Variants in NAV2 observed in about 807,000 individuals in gnomAD.
NAV2 encodes the protein neuron navigator 2, also known as helicase, APC down-regulated 1.
NAV2 carries 54 observed loss-of-function variants against 223.2 expected under a neutral mutation model. That is an observed-to-expected ratio of 0.24 (90% CI 0.19 to 0.30). NAV2 has a LOEUF of 0.30. Among genes scored for constraint, NAV2 ranks in the 10% least tolerant of loss-of-function variants. NAV2 has a pLI of 1.00. For synonymous variants in NAV2, 1,279 were observed against 1,239.3 expected (o/e 1.03, Z -0.67); for missense variants, 2,806 against 3,147.5 (o/e 0.89, Z 2.60).
intron 1 of NAV2, among the ~76,000 whole-genome samples, chr11:19,524,894 A>G (rs1215663924): frequency 6.6e-6 from 1 of 152,146 alleles, no homozygotes; most frequent in Admixed American, 6.5e-5. Flanking sequence ...GCTAACAGAC[A>G]CAGCTTCGTG....
intron 1 of NAV2, among the ~76,000 whole-genome samples, chr11:19,786,541 C>T (rs1251257784): frequency 6.6e-6 from 1 of 152,156 alleles, no homozygotes; most frequent in Non-Finnish European, 1.5e-5. Context: ...TCATTTGTGC[C>T]TTTAAACACA....
intron 1 of NAV2, among the ~76,000 whole-genome samples, chr11:19,820,103 A>T (rs1213271248): frequency 6.6e-6 from 1 of 152,242 alleles, no homozygotes; most frequent in Non-Finnish European, 1.5e-5. Context: ...GAACAACTGG[A>T]TGGAGGCTAC....
chr11:19,548,101 T>C (rs1350935529), intron 1 of NAV2, among the ~76,000 whole-genome samples: 1 of 152,208 alleles, frequency 6.6e-6, no homozygotes, highest in Non-Finnish European at 1.5e-5. Flanking sequence ...TTAAATATCT[T>C]AGTTCGTAGG....
At chr11:19,683,376 G>A (rs1300288369) in intron 1 of NAV2, among the ~76,000 whole-genome samples, 1 of 152,254 alleles carries the variant, frequency 6.6e-6, no homozygotes, top group South Asian at 2.1e-4. Context: ...AAGAGAAAAG[G>A]TTGAGTTGGG....
At chr11:19,655,382 C>T (rs539917830) in intron 1 of NAV2, among the ~76,000 whole-genome samples, 1 of 152,062 alleles carries the variant, frequency 6.6e-6, no homozygotes, top group Non-Finnish European at 1.5e-5. Context: ...CCCAGCCATC[C>T]CATTAATGGG....
intron 1 of NAV2, among the ~76,000 whole-genome samples, chr11:19,667,690 G>A (rs2048453933): frequency 6.6e-6 from 1 of 152,188 alleles, no homozygotes; most frequent in South Asian, 2.1e-4. Flanking sequence ...AGGAACTGGA[G>A]AACTCACTGG....
chr11:19,893,714 G>A (rs2041705963), intron 6 of NAV2, among the ~76,000 whole-genome samples: 1 of 152,154 alleles, frequency 6.6e-6, no homozygotes, highest in African/African-American at 2.4e-5. Flanking sequence ...TCTGCAAATG[G>A]CACTAACGCC....
chr11:19,572,663 A>C (rs573923900), intron 1 of NAV2, among the ~76,000 whole-genome samples: 1 of 152,302 alleles, frequency 6.6e-6, no homozygotes, highest in East Asian at 1.9e-4. Flanking sequence ...TGCCAGAACC[A>C]GTCTGTCTGA....
At chr11:19,974,433 T>G (rs961512111) in intron 10 of NAV2, among the ~76,000 whole-genome samples, 2 of 152,228 alleles carry the variant, frequency 1.3e-5, no homozygotes, top group African/African-American at 4.8e-5. Context: ...TGACTTTAGT[T>G]AATAATAATG....
At chr11:20,051,193 T>C (rs1306080347) in intron 16 of NAV2, 96 bp from the exon 17 acceptor site, 6 of 988,960 alleles carry the variant, frequency 6.1e-6, no homozygotes, top group Non-Finnish European at 9.8e-6. Context: ...GTGCACCTCT[T>C]TCTCCAGGGC....
In NAV2 at chr11:19,608,823, G is replaced by A. The variant is rs574824223; in HGVS notation, c.76-223661G>A. 2.0e-5 allele frequency among the ~76,000 whole-genome samples: 3 copies of A among 152,318 alleles called. No homozygotes were observed. The South Asian group carries it at 6.2e-4, about 32-fold the overall frequency. Reference sequence around the variant, plus strand: ...GGAGGTCCGAGTTGAAAATCTAGGTGTCAGCAGGGCTGCATTCCTCCTGGA... The same window carrying A: ...GGAGGTCCGAGTTGAAAATCTAGGTATCAGCAGGGCTGCATTCCTCCTGGA... On this transcript the variant is annotated intron_variant, in intron 1 of 37. Transcript: ENST00000360655.
At chr11:19,876,573 A>C (rs1011217908) in intron 4 of NAV2, among the ~76,000 whole-genome samples, 1 of 152,202 alleles carries the variant, frequency 6.6e-6, no homozygotes, top group Non-Finnish European at 1.5e-5. Context: ...GGAGCACTGT[A>C]GTCTCTGACA....
chr11:20,048,260 A>G (rs1374072485), intron 14 of NAV2, among the ~76,000 whole-genome samples: 1 of 152,126 alleles, frequency 6.6e-6, no homozygotes, highest in Non-Finnish European at 1.5e-5. Flanking sequence ...GATTCTATGT[A>G]TTGTGCTCAG....
chr11:19,776,579 T>G (rs557551442), intron 1 of NAV2, among the ~76,000 whole-genome samples: 49 of 125,936 alleles, frequency 3.9e-4, no homozygotes, highest in Admixed American at 9.6e-4. Flanking sequence ...GGGGCAGGGG[T>G]GTGTGTGTGT....
At position 19,806,152 on chromosome 11, in the gene NAV2, A is replaced by G. The variant is rs142264601; in HGVS notation, c.268-26332A>G. On this transcript the variant is annotated intron_variant, in intron 1 of 37. Coordinates refer to ENST00000349880, the MANE Select transcript of NAV2 (RefSeq NM_145117.5). Reference sequence around the variant, plus strand: ...TATAGAGTTTCTTTCCCACACTCTTATATGAAAATAAACAAGGCCCTAAAA... The same window carrying G: ...TATAGAGTTTCTTTCCCACACTCTTGTATGAAAATAAACAAGGCCCTAAAA... 3.0e-3 allele frequency among the ~76,000 whole-genome samples: 450 copies of G among 152,358 alleles called. 2 individuals carry two copies. The highest frequency in any genetic ancestry group is 0.01 in the African/African-American group (433 of 41,586).
At chr11:19,509,483 A>G (rs2043212117) in intron 1 of NAV2, among the ~76,000 whole-genome samples, 1 of 152,196 alleles carries the variant, frequency 6.6e-6, no homozygotes, top group South Asian at 2.1e-4. Context: ...ACTGCATTCC[A>G]TAGAAAGGAT....
In NAV2 at chr11:19,445,175, C is replaced by T. The variant is rs540997636; in HGVS notation, c.75+94148C>T. ...ACATGGTGCACAGGTGCAAAACAGA[C>T]AGTCAAACACGGGAAGAGGAAATAA... is the stretch of plus-strand genomic sequence containing the variant. On this transcript the variant is annotated intron_variant, in intron 1 of 37. Transcript: ENST00000360655. Among the ~76,000 whole-genome samples, 301 of 152,298 alleles carry T rather than the reference C, an allele frequency of 2.0e-3. 1 individual carries two copies. The highest frequency in any genetic ancestry group is 3.5e-3 in the Non-Finnish European group (241 of 68,022).
chr11:19,916,853 G>A (rs2043850007), intron 6 of NAV2, among the ~76,000 whole-genome samples: 1 of 152,210 alleles, frequency 6.6e-6, no homozygotes, highest in Admixed American at 6.5e-5. Context: ...AGGCTTACTG[G>A]CCTTCATCCT....
At chr11:19,855,452 A>C (rs1323179298) in intron 3 of NAV2, among the ~76,000 whole-genome samples, 1 of 152,116 alleles carries the variant, frequency 6.6e-6, no homozygotes, top group Non-Finnish European at 1.5e-5. Context: ...GTAATGATGA[A>C]ACTTTGAGAT....
Sources: gnomAD v4.1 joint callset for allele counts (sites outside exome capture counted in the v4.1 genomes callset) on GRCh38, gnomAD v4.1.1 for gene constraint, MANE v1.5 for transcripts, NCBI Gene and HGNC (gene_info 2026-07-23, HGNC 2026-07-21) for gene names.